Variants in ZC2HC1B observed in about 807,000 individuals in gnomAD.
ZC2HC1B encodes the protein zinc finger C2HC domain-containing protein 1B.
ZC2HC1B carries 36 observed loss-of-function variants against 31.0 expected under a neutral mutation model. The observed-to-expected ratio is 1.16, with a 90% confidence interval of 0.89 to 1.54. ZC2HC1B has a LOEUF of 1.54. Ranked by LOEUF, ZC2HC1B falls within the 40% of genes most tolerant of loss-of-function variation. The probability of loss-of-function intolerance (pLI) is 0.00; values close to 1 mark genes in which losing one functional copy is unlikely to be tolerated. For missense variants in ZC2HC1B, 260 were observed against 268.6 expected, an observed-to-expected ratio of 0.97 and a Z score of 0.22; for synonymous variants, 73 against 88.0, an observed-to-expected ratio of 0.83 and a Z score of 0.95.
chr6:143,893,341 G>A (rs1777621909), intron 4 of ZC2HC1B, among the ~76,000 whole-genome samples: 1 of 152,120 alleles, frequency 6.6e-6, no homozygotes, highest in Non-Finnish European at 1.5e-5. Context: ...AAGGTAGGCG[G>A]ATCCCTTGAG....
At chr6:143,932,082 C>T (rs917180369) in intron 6 of ZC2HC1B, among the ~76,000 whole-genome samples, 3 of 152,040 alleles carry the variant, frequency 2.0e-5, no homozygotes, top group African/African-American at 7.2e-5. Context: ...ACCATGTTAG[C>T]CAGGCTGGTC....
In ZC2HC1B at chr6:143,886,179, G is replaced by T; in HGVS notation, c.210+28G>T. 2 of 1,497,004 alleles carry T rather than the reference G, an allele frequency of 1.3e-6. No individual in the cohort carries two copies. The highest frequency in any genetic ancestry group is 1.8e-6 in the Non-Finnish European group (2 of 1,126,886). The allele number at this position is 1,497,004 out of a possible 1,614,324, so 92.7% of individuals were successfully genotyped here. ...ACTCCTGATATCTTCTTTAGTGTTTGTTATTACATTCTGCGGTACTGTAAG... is the reference window on the plus strand; with the variant it reads ...ACTCCTGATATCTTCTTTAGTGTTTTTTATTACATTCTGCGGTACTGTAAG... On this transcript the variant is annotated intron_variant, in intron 3 of 7. Transcript: ENST00000237275. This position sits in a 1 kb window ranked among gnomAD's most constrained non-coding sequence, Gnocchi z 4.2.
At position 143,918,943 on chromosome 6, in the gene ZC2HC1B, A is replaced by C. The variant is rs923667842; in HGVS notation, c.598+15791A>C. Reference sequence around the variant, plus strand: ...CTTCGTGGATATTTCCATTTTGTTCATAGATCTTTTTCTTGAGTCTCTTCA... The same window carrying C: ...CTTCGTGGATATTTCCATTTTGTTCCTAGATCTTTTTCTTGAGTCTCTTCA... On this transcript the variant is annotated intron_variant, in intron 6 of 7. Transcript: ENST00000237275. The surrounding 1 kb of genome is among the most constrained non-coding windows in gnomAD (Gnocchi z 4.1). Among the ~76,000 whole-genome samples, 3 of 151,842 alleles carry C rather than the reference A, an allele frequency of 2.0e-5. No homozygotes were observed. The highest frequency in any genetic ancestry group is 7.3e-5 in the African/African-American group (3 of 41,348).
chr6:143,867,961 T>C (rs1281323176), intron 1 of ZC2HC1B, among the ~76,000 whole-genome samples: 12 of 152,224 alleles, frequency 7.9e-5, no homozygotes, highest in Non-Finnish European at 1.6e-4. Flanking sequence ...TGTAGACTTT[T>C]TGGGAACTTG....
rs1436165390 is a variant in ZC2HC1B at position 143,924,780 on chromosome 6, G to T, written c.599-12869G>T. ...CTCTTGAAATGATCATATTGTTTTT[G>T]TCTTTCATTCTGTTGTTGTGAGGTA... On this transcript the variant is annotated intron_variant, in intron 6 of 7. Coordinates refer to ENST00000237275, the MANE Select transcript of ZC2HC1B (RefSeq NM_001013623.3). This position sits in a 1 kb window ranked among gnomAD's most constrained non-coding sequence, Gnocchi z 5.2. Among the ~76,000 whole-genome samples, 3 of 152,136 alleles carry T rather than the reference G, an allele frequency of 2.0e-5. No individual in the cohort carries two copies. Among genetic ancestry groups the T allele is most frequent in the Non-Finnish European group, 4.4e-5 (3 of 68,012 alleles).
Position 143,869,452 on chromosome 6 carries a change from A to G in ZC2HC1B, c.28+4885A>G, listed in dbSNP as rs1373068512. Among the ~76,000 whole-genome samples the G allele has an allele frequency of 1.3e-5, 2 of 152,202 alleles. No homozygotes were observed. Among genetic ancestry groups the G allele is most frequent in the Admixed American group, 1.3e-4 (2 of 15,278 alleles). ...CAGTGAATTCCATGAGCATGCGCCCACTGCTGCACTTCTTTATCTGTAAAG... is the reference window on the plus strand; with the variant it reads ...CAGTGAATTCCATGAGCATGCGCCCGCTGCTGCACTTCTTTATCTGTAAAG... On this transcript the variant is annotated intron_variant, in intron 1 of 7. Coordinates refer to ENST00000237275, the MANE Select transcript of ZC2HC1B (RefSeq NM_001013623.3). The surrounding 1 kb of genome is among the most constrained non-coding windows in gnomAD (Gnocchi z 5.2).
intron 5 of ZC2HC1B, among the ~76,000 whole-genome samples, chr6:143,900,317 G>A (rs1413323930): frequency 6.6e-6 from 1 of 151,194 alleles, no homozygotes; most frequent in Non-Finnish European, 1.5e-5. Flanking sequence ...TGAACCTGGG[G>A]AGGCAGAGGT....
At chr6:143,894,689 A>G (rs1392911570) in intron 4 of ZC2HC1B, among the ~76,000 whole-genome samples, 6 of 152,224 alleles carry the variant, frequency 3.9e-5, no homozygotes, top group Admixed American at 6.5e-5. Flanking sequence ...GATTTTAGTA[A>G]TAATGTAAGT....
chr6:143,894,653 A>G (rs1777641190), intron 4 of ZC2HC1B, among the ~76,000 whole-genome samples: 1 of 152,240 alleles, frequency 6.6e-6, no homozygotes, highest in South Asian at 2.1e-4. Context: ...TTGTCTTAAG[A>G]TATTCAGTAG....
Position 143,933,129 on chromosome 6 carries a change from G to A in ZC2HC1B, c.599-4520G>A, listed in dbSNP as rs555962702. On this transcript the variant is annotated intron_variant, in intron 6 of 7. Coordinates refer to ENST00000237275, the MANE Select transcript of ZC2HC1B (RefSeq NM_001013623.3). This position sits in a 1 kb window ranked among gnomAD's most constrained non-coding sequence, Gnocchi z 6.4. Reference sequence around the variant, plus strand: ...TCTTTCTTGAATGCTGGTTATGCTAGCAGCGAAGTTGTCATGTGGACAGAC... The same window carrying A: ...TCTTTCTTGAATGCTGGTTATGCTAACAGCGAAGTTGTCATGTGGACAGAC... Among the ~76,000 whole-genome samples the A allele has an allele frequency of 1.3e-5, 2 of 152,324 alleles. No individual in the cohort carries two copies. The highest frequency in any genetic ancestry group is 6.5e-5 in the Admixed American group (1 of 15,312).
rs1001388862 is a variant in ZC2HC1B at position 143,886,259 on chromosome 6, G to T, written c.210+108G>T. On this transcript the variant is annotated intron_variant, in intron 3 of 7. Transcript: ENST00000237275. This position sits in a 1 kb window ranked among gnomAD's most constrained non-coding sequence, Gnocchi z 4.2. Reference sequence around the variant, plus strand: ...TTGCTTGATAATACAGTAATGTAATGTAACTGTAATCCACCTTTACTTTTT... The same window carrying T: ...TTGCTTGATAATACAGTAATGTAATTTAACTGTAATCCACCTTTACTTTTT... The T allele has an allele frequency of 3.4e-6, 4 of 1,179,956 alleles. No individual in the cohort carries two copies. In the Admixed American group the frequency reaches 1.2e-4, roughly 34 times the overall value. The allele number at this position is 1,179,956 out of a possible 1,614,324, so 73.1% of individuals were successfully genotyped here. A position where few individuals can be genotyped will look rare whatever the true frequency, so the allele number is the denominator to read the frequency against.
rs1277902632 is a variant in ZC2HC1B, at chr6:143,911,447, T to C, written c.598+8295T>C. 6.6e-6 allele frequency among the ~76,000 whole-genome samples: 1 copy of C among 152,226 alleles called. No homozygotes were observed. The highest frequency in any genetic ancestry group is 2.4e-5 in the African/African-American group (1 of 41,466). On this transcript the variant is annotated intron_variant, in intron 6 of 7. Transcript: ENST00000237275. The surrounding 1 kb of genome is among the most constrained non-coding windows in gnomAD (Gnocchi z 4.5). ...TACTTAGTGCTTCCTTCAGGAGCTC[T>C]TGCAAGGCAGGTCTGGTGGTAACAA...
chr6:143,937,996 G>GCA, intron 7 of ZC2HC1B, 146 bp from the exon 8 acceptor site: 1 of 264,422 alleles, frequency 3.8e-6, no homozygotes, highest in East Asian at 8.1e-5. Context: ...CTTTTTCTAA[G>GCA]CACCTTACCC....
rs146237156 is a variant in ZC2HC1B at position 143,899,119 on chromosome 6, T to A, written c.489+428T>A. Among the ~76,000 whole-genome samples, 60 of 152,252 alleles carry A rather than the reference T, an allele frequency of 3.9e-4. 1 individual carries two copies. In the East Asian group the frequency reaches 0.011, roughly 28 times the overall value. Reference sequence around the variant, plus strand: ...TAGAGGAGGGGTCTTCACCTTTTATTTAAAGTCACAGAATCAGCAAGTTAA... The same window carrying A: ...TAGAGGAGGGGTCTTCACCTTTTATATAAAGTCACAGAATCAGCAAGTTAA... On this transcript the variant is annotated intron_variant, in intron 5 of 7. Transcript: ENST00000237275. This position sits in a 1 kb window ranked among gnomAD's most constrained non-coding sequence, Gnocchi z 5.0.
In ZC2HC1B at chr6:143,933,474, G is replaced by A. The variant is rs1027758347; in HGVS notation, c.599-4175G>A. On this transcript the variant is annotated intron_variant, in intron 6 of 7. Coordinates refer to ENST00000237275, the MANE Select transcript of ZC2HC1B (RefSeq NM_001013623.3). This position sits in a 1 kb window ranked among gnomAD's most constrained non-coding sequence, Gnocchi z 6.4. The stretch of plus-strand genomic sequence containing the variant: ...TACTATCAGGTGCAGGCAGGATTAG[G>A]TAGGTTTGAGCTCAGACTCTCCTTG... Among the ~76,000 whole-genome samples, 13 of 152,154 alleles carry A rather than the reference G, an allele frequency of 8.5e-5. No individual in the cohort carries two copies. The highest frequency in any genetic ancestry group is 3.1e-4 in the African/African-American group (13 of 41,432).
In ZC2HC1B at chr6:143,871,840, T is replaced by G. The variant is rs1352358280; in HGVS notation, c.28+7273T>G. ...TGGGGGTTCTGCCAGCTGCTAAGTATGTCTATGCCAATTTTGCATTCTGGC... is the reference window on the plus strand; with the variant it reads ...TGGGGGTTCTGCCAGCTGCTAAGTAGGTCTATGCCAATTTTGCATTCTGGC... On this transcript the variant is annotated intron_variant, in intron 1 of 7. Transcript: ENST00000237275. This position sits in a 1 kb window ranked among gnomAD's most constrained non-coding sequence, Gnocchi z 4.1. 6.6e-6 allele frequency among the ~76,000 whole-genome samples: 1 copy of G among 152,186 alleles called. No individual in the cohort carries two copies. The highest frequency in any genetic ancestry group is 1.5e-5 in the Non-Finnish European group (1 of 68,032).
rs201848159 is a variant in ZC2HC1B, at chr6:143,933,749, G to A, written c.599-3900G>A. Among the ~76,000 whole-genome samples, 4 of 152,132 alleles carry A rather than the reference G, an allele frequency of 2.6e-5. No homozygotes were observed. The East Asian group carries it at 5.8e-4, about 22-fold the overall frequency. Reference sequence around the variant, plus strand: ...ACTCAGATCTAGTCCCAGGCTCTAAGTTTCCCCACTGAGGAAGCAAGCACT... The same window carrying A: ...ACTCAGATCTAGTCCCAGGCTCTAAATTTCCCCACTGAGGAAGCAAGCACT... On this transcript the variant is annotated intron_variant, in intron 6 of 7. Coordinates refer to ENST00000237275, the MANE Select transcript of ZC2HC1B (RefSeq NM_001013623.3). The surrounding 1 kb of genome is among the most constrained non-coding windows in gnomAD (Gnocchi z 6.4).
intron 6 of ZC2HC1B, among the ~76,000 whole-genome samples, chr6:143,920,779 G>C (rs931944307): frequency 6.6e-6 from 1 of 151,746 alleles, no homozygotes; most frequent in Admixed American, 6.6e-5. Context: ...GTGGTGGGAC[G>C]TGCCTGTAAT....
chr6:143,880,205 A>G (rs1428576176), intron 1 of ZC2HC1B, among the ~76,000 whole-genome samples: 1 of 152,142 alleles, frequency 6.6e-6, no homozygotes, highest in African/African-American at 2.4e-5. Context: ...TAACATTTTC[A>G]AAGATTATAA....
Sources: gnomAD v4.1 joint callset for allele counts (sites outside exome capture counted in the v4.1 genomes callset) on GRCh38, gnomAD v4.1.1 for gene constraint, Gnocchi (gnomAD v3.1) non-coding constraint, MANE v1.5 for transcripts, NCBI Gene and HGNC (gene_info 2026-07-23, HGNC 2026-07-21) for gene names.